The following TMEM108 variants were observed in gnomAD, a reference collection of about 807,000 sequenced individuals.
TMEM108 encodes the protein transmembrane protein 108.
In TMEM108, 12 loss-of-function variants were observed where a neutral mutation model predicts 35.1. That is an observed-to-expected ratio of 0.34 (90% CI 0.22 to 0.55). The LOEUF is 0.55. Among genes scored for constraint, TMEM108 ranks in the 20% least tolerant of loss-of-function variants. The pLI is 0.89. For synonymous variants in TMEM108, 287 were observed against 308.6 expected (o/e 0.93, Z 0.73); for missense variants, 680 against 753.3 (o/e 0.90, Z 1.14).
intron 2 of TMEM108, among the ~76,000 whole-genome samples, chr3:133,046,472 A>G (rs779886222): frequency 3.1e-4 from 47 of 152,222 alleles, no homozygotes; most frequent in Admixed American, 9.8e-4. Flanking sequence ...AGTGAAGGAA[A>G]TAACTTCTCA....
At chr3:133,221,192 GGA>G (rs1249128879) in intron 2 of TMEM108, among the ~76,000 whole-genome samples, 1 of 152,124 alleles carries the variant, frequency 6.6e-6, no homozygotes, top group African/African-American at 2.4e-5. Context: ...TCTTCTCTCT[GGA>G]GAATGTAGGA....
At chr3:133,223,072 T>G (rs112339233) in intron 2 of TMEM108, among the ~76,000 whole-genome samples, 32 of 152,322 alleles carry the variant, frequency 2.1e-4, no homozygotes, top group African/African-American at 6.5e-4. Context: ...GTTAGGCAGT[T>G]TATAAGTCTC....
intron 3 of TMEM108, among the ~76,000 whole-genome samples, chr3:133,231,242 A>T (rs572548988): frequency 1.2e-4 from 18 of 152,288 alleles, no homozygotes; most frequent in Admixed American, 3.9e-4. Flanking sequence ...AAATATATAT[A>T]TTTTTAATTT....
At chr3:133,154,250 T>C (rs1177911095) in intron 2 of TMEM108, among the ~76,000 whole-genome samples, 1 of 152,084 alleles carries the variant, frequency 6.6e-6, no homozygotes, top group Non-Finnish European at 1.5e-5. Flanking sequence ...GCCTGTTCAC[T>C]CTGATGGTGG....
intron 2 of TMEM108, among the ~76,000 whole-genome samples, chr3:133,193,736 G>A (rs1022814330): frequency 1.3e-5 from 2 of 151,968 alleles, no homozygotes; most frequent in African/African-American, 4.8e-5. Flanking sequence ...TATACTTTCA[G>A]GTCTCTTTCT....
chr3:133,281,554 A>C (rs746469351), intron 3 of TMEM108, among the ~76,000 whole-genome samples: 9 of 152,248 alleles, frequency 5.9e-5, no homozygotes, highest in Non-Finnish European at 1.3e-4. Context: ...CTGTTACGTC[A>C]CGTGGCTAAA....
intron 3 of TMEM108, among the ~76,000 whole-genome samples, chr3:133,258,845 C>A (rs1035290874): frequency 1.1e-4 from 16 of 152,216 alleles, no homozygotes; most frequent in African/African-American, 3.9e-4. Flanking sequence ...GTTATGTAGG[C>A]AACAATTCAC....
chr3:133,299,928 T>C (rs907629286), intron 3 of TMEM108, among the ~76,000 whole-genome samples: 1 of 152,082 alleles, frequency 6.6e-6, no homozygotes, highest in Non-Finnish European at 1.5e-5. Context: ...AATCTGAAAA[T>C]CAGAGTGGAG....
chr3:133,261,979 A>G (rs1186688465), intron 3 of TMEM108, among the ~76,000 whole-genome samples: 1 of 152,218 alleles, frequency 6.6e-6, no homozygotes, highest in African/African-American at 2.4e-5. Context: ...AAGAGCCTTG[A>G]AGTTGCACAT....
At chr3:133,353,024 A>T (rs2072053162) in intron 3 of TMEM108, among the ~76,000 whole-genome samples, 1 of 152,174 alleles carries the variant, frequency 6.6e-6, no homozygotes, top group African/African-American at 2.4e-5. Flanking sequence ...TCTCATTAGC[A>T]TACAAAAAGA....
intron 3 of TMEM108, among the ~76,000 whole-genome samples, chr3:133,277,332 T>C (rs1320223357): frequency 6.6e-6 from 1 of 152,296 alleles, no homozygotes; most frequent in Admixed American, 6.5e-5. Context: ...AAAAATACAG[T>C]CATGCATATC....
chr3:133,100,799 G>T (rs916338818), intron 2 of TMEM108, among the ~76,000 whole-genome samples: 8 of 152,056 alleles, frequency 5.3e-5, no homozygotes, highest in African/African-American at 1.4e-4. Context: ...GTTAATTGTA[G>T]AAAATATTGT....
At chr3:133,217,517 G>T (rs1219966215) in intron 2 of TMEM108, among the ~76,000 whole-genome samples, 1 of 151,912 alleles carries the variant, frequency 6.6e-6, no homozygotes, top group Non-Finnish European at 1.5e-5. Flanking sequence ...ATGTCATGGA[G>T]ATTTTCCCAT....
At chr3:133,359,360 T>G (rs1245493291) in intron 3 of TMEM108, among the ~76,000 whole-genome samples, 1 of 152,152 alleles carries the variant, frequency 6.6e-6, no homozygotes, top group African/African-American at 2.4e-5. Context: ...TTTCCCAAGT[T>G]TATTTGGGAA....
intron 2 of TMEM108, among the ~76,000 whole-genome samples, chr3:133,047,543 T>C (rs1212149893): frequency 1.3e-5 from 2 of 152,176 alleles, no homozygotes; most frequent in Non-Finnish European, 2.9e-5. Context: ...GCAATTCTTG[T>C]GTGGAGTGTC....
intron 3 of TMEM108, among the ~76,000 whole-genome samples, chr3:133,293,662 C>T (rs1559894858): frequency 1.3e-5 from 2 of 152,034 alleles, no homozygotes; most frequent in Non-Finnish European, 2.9e-5. Context: ...GTTTTGCTGG[C>T]TAACTCGTCA....
chr3:133,129,227 C>T (rs1944456594), intron 2 of TMEM108, among the ~76,000 whole-genome samples: 2 of 151,960 alleles, frequency 1.3e-5, no homozygotes, highest in Non-Finnish European at 1.5e-5. Context: ...CCTGTAATCC[C>T]GGCTATTCAG....
intron 2 of TMEM108, 76 bp from the exon 3 acceptor site, chr3:133,229,190 C>G (rs1946116441): frequency 1.4e-5 from 13 of 933,840 alleles, no homozygotes; most frequent in East Asian, 2.5e-5. Context: ...TAACCAAGAT[C>G]CTATTGAGTG....
At chr3:133,236,444 T>G (rs1229373366) in intron 3 of TMEM108, among the ~76,000 whole-genome samples, 2 of 152,104 alleles carry the variant, frequency 1.3e-5, no homozygotes, top group Non-Finnish European at 2.9e-5. Context: ...AGATCATGTC[T>G]CAGTCTCAGA....
Sources: allele counts gnomAD v4.1 joint callset (sites outside exome capture counted in the v4.1 genomes callset), GRCh38; gene constraint gnomAD v4.1.1; transcripts MANE v1.5; gene names NCBI Gene and HGNC (gene_info 2026-07-23, HGNC 2026-07-21).